Variants in PIEZO1 observed in about 807,000 individuals in gnomAD.
PIEZO1 encodes piezo type mechanosensitive ion channel component 1 (Er blood group).
Under a neutral mutation model 297.2 loss-of-function variants are expected in PIEZO1, and 296 were observed. The observed-to-expected ratio is 1.00, with a 90% CI of 0.91 to 1.10. The LOEUF is 1.10. PIEZO1 is among the 50% of genes least tolerant of loss of function. The probability of loss-of-function intolerance (pLI) is 0.00; values close to 1 mark genes in which losing one functional copy is unlikely to be tolerated. For missense variants in PIEZO1, 5,018 were observed against 3,455.5 expected, an observed-to-expected ratio of 1.45 and a Z score of -11.34; for synonymous variants, 2,427 against 1,507.5, an observed-to-expected ratio of 1.61 and a Z score of -14.13.
chr16:88,733,990 G>T lies in PIEZO1; in HGVS notation c.2245C>A (p.Gln749Lys). The T allele has an allele frequency of 8.4e-7, 1 of 1,192,006 alleles. No homozygotes were observed. Among genetic ancestry groups the T allele is most frequent in the Non-Finnish European group, 1.2e-6 (1 of 849,304 alleles). The allele number at this position is 1,192,006 out of a possible 1,614,324, so 73.8% of individuals were successfully genotyped here. Residue 749 changes from glutamine to lysine, a missense_variant, in exon 17 of 51, where the codon CAG becomes AAG. Gln to Lys is a moderately conservative substitution (Grantham distance 53, BLOSUM62 1). Transcript: ENST00000301015. ...EEQQEHQQQQ[Q>K]EEEEEEEDSR... is the part of the protein sequence containing the mutation. The stretch of plus-strand genomic sequence containing the variant: ...TCCTCCTCCTCCTCCTCCTCCTCCT[G>T]CTGCTGCTGCTGATGCTCCTGCTGC...
intron 21 of PIEZO1, 51 bp from the exon 22 acceptor site, chr16:88,731,961 G>GGCGGGGTGTGGGGATGCACTGA (rs1555555069): frequency 7.0e-6 from 2 of 285,620 alleles, no homozygotes; most frequent in East Asian, 7.9e-5. Context: ...CTGGGGGGAG[G>GGCGGGGTGTGGGGATGCACTGA]GACTTTCTTG....
At chr16:88,746,932 G>A (rs929579286) in intron 2 of PIEZO1, among the ~76,000 whole-genome samples, 3 of 152,238 alleles carry the variant, frequency 2.0e-5, no homozygotes, top group African/African-American at 4.8e-5. Context: ...GATAGGGACC[G>A]GGAGTGGGGG....
Position 88,721,448 on chromosome 16 carries a change from G to A in PIEZO1, c.5404-18C>T, listed in dbSNP as rs1163777645. The A allele has an allele frequency of 5.2e-6, 8 of 1,541,856 alleles. No homozygotes were observed. Among genetic ancestry groups the A allele is most frequent in the Non-Finnish European group, 6.1e-6 (7 of 1,140,878 alleles). On this transcript the variant is annotated intron_variant, in intron 38 of 50. Coordinates refer to ENST00000301015, the MANE Select transcript of PIEZO1 (RefSeq NM_001142864.4). ...CCATAGCACTGAGGGGCGGGAGGGTGTGGTGAGGGGGCCTTGCCTCCCTGG... is the reference window on the plus strand; with the variant it reads ...CCATAGCACTGAGGGGCGGGAGGGTATGGTGAGGGGGCCTTGCCTCCCTGG...
chr16:88,765,768 G>A (rs1006348276), intron 1 of PIEZO1, among the ~76,000 whole-genome samples: 1 of 151,668 alleles, frequency 6.6e-6, no homozygotes, highest in Non-Finnish European at 1.5e-5. Context: ...CTACCTCCTG[G>A]GTTCAAGCGA....
At chr16:88,778,590 G>A (rs115701567) in intron 1 of PIEZO1, among the ~76,000 whole-genome samples, 2,902 of 152,324 alleles carry the variant, frequency 0.019, 79 homozygotes, top group African/African-American at 0.066. Context: ...GGCAGCGCCC[G>A]GCAGGACAGC....
chr16:88,719,663 C>T lies in PIEZO1; in HGVS notation c.6382G>A (p.Asp2128Asn). ...LRAVMDWVWT[D>N]TTLSLSSWMC... ...CAGCTGGACAGGGACAGCGTGGTGT[C>T]CGTCCACACCCAGTCCATCACTGCC... Residue 2128 changes from aspartate (D) to asparagine (N), a missense_variant, in exon 44 of 51, where the codon GAC (aspartate) becomes AAC (asparagine). By Grantham distance (23) the Asp-to-Asn change is conservative. Coordinates refer to ENST00000301015, the MANE Select transcript of PIEZO1 (RefSeq NM_001142864.4). 1 of 1,553,876 alleles carries T rather than the reference C, an allele frequency of 6.4e-7. No homozygotes were observed. The highest frequency in any genetic ancestry group is 2.4e-5 in the East Asian group (1 of 41,106).
intron 1 of PIEZO1, among the ~76,000 whole-genome samples, chr16:88,751,456 T>C (rs1906384297): frequency 6.6e-6 from 1 of 152,172 alleles, no homozygotes; most frequent in Non-Finnish European, 1.5e-5. Flanking sequence ...CGCTCGGCGC[T>C]GCTACGGGCT....
At chr16:88,748,962 G>A (rs914955687) in intron 2 of PIEZO1, among the ~76,000 whole-genome samples, 31 of 144,126 alleles carry the variant, frequency 2.2e-4, no homozygotes, top group African/African-American at 6.9e-4. Context: ...AAAAAGCCGG[G>A]CGCGGTGGCT....
rs1912355263 is a variant in PIEZO1, at chr16:88,720,495, GGAA to G, written c.5836_5838del (p.Phe1946del). 1 of 1,550,236 alleles carries G rather than the reference GGAA, an allele frequency of 6.5e-7. No homozygotes were observed. The highest frequency in any genetic ancestry group is 1.4e-5 in the African/African-American group (1 of 73,038). On this transcript the variant is annotated inframe_deletion, in exon 41 of 51. Coordinates refer to ENST00000301015, the MANE Select transcript of PIEZO1 (RefSeq NM_001142864.4). ...CGGTACTTGGTGTGCAGGATGTCGTGGAAGAAGCGCCGTAGCGGCCGATATGTG... is the reference window on the plus strand; with the variant it reads ...CGGTACTTGGTGTGCAGGATGTCGTGGAAGCGCCGTAGCGGCCGATATGTG...
At position 88,737,654 on chromosome 16, in the gene PIEZO1, C is replaced by G; in HGVS notation, c.1108-8G>C. On this transcript the variant is annotated splice_polypyrimidine_tract_variant and splice_region_variant and intron_variant, in intron 9 of 50. Coordinates refer to ENST00000301015, the MANE Select transcript of PIEZO1 (RefSeq NM_001142864.4). ...TGCTGTGGGCACCACGTGCTGTGGG[C>G]AAGCAGCGCTGAGCCATGCACGGGC... The G allele has an allele frequency of 6.5e-7, 1 of 1,534,708 alleles. No homozygotes were observed. Among genetic ancestry groups the G allele is most frequent in the Non-Finnish European group, 8.7e-7 (1 of 1,146,206 alleles).
At position 88,733,381 on chromosome 16, in the gene PIEZO1, G is replaced by T. The variant is rs1189050065; in HGVS notation, c.2561C>A (p.Ala854Asp). 3 of 1,550,180 alleles carry T rather than the reference G, an allele frequency of 1.9e-6. No individual in the cohort carries two copies. The highest frequency in any genetic ancestry group is 1.7e-6 in the Non-Finnish European group (2 of 1,146,836). ...GGTCCACACGGTGGACAGGCAGGAGGCCATGGGCCGGAAGCGTGGGTAGGG... is the reference window on the plus strand; with the variant it reads ...GGTCCACACGGTGGACAGGCAGGAGTCCATGGGCCGGAAGCGTGGGTAGGG... Reference protein sequence around the residue: ...ALPYPRFRPMASCLSTVWTCV... With the variant: ...ALPYPRFRPMDSCLSTVWTCV... The change falls in exon 19 of 51, where the codon GCC becomes GAC. Residue 854 changes from alanine to aspartate, a missense_variant. Coordinates refer to ENST00000301015, the MANE Select transcript of PIEZO1 (RefSeq NM_001142864.4).
In PIEZO1 at chr16:88,717,031, C is replaced by G; in HGVS notation, c.6652G>C (p.Gly2218Arg). The change falls in exon 45 of 51, where the codon GGC becomes CGC. Residue 2218 changes from glycine to arginine, a missense_variant. Coordinates refer to ENST00000301015, the MANE Select transcript of PIEZO1 (RefSeq NM_001142864.4). ...IDVTVTLKLG[G>R]YEPLFTMSAQ... ...GACCCACACATGCTCACCTCATAGC[C>G]GCCCAGCTTCAGGGTGACGGTGACA... is the stretch of plus-strand genomic sequence containing the variant. 6.4e-7 allele frequency: 1 copy of G among 1,550,580 alleles called. No homozygotes were observed. Among genetic ancestry groups the G allele is most frequent in the Non-Finnish European group, 8.7e-7 (1 of 1,146,976 alleles).
rs1244437683 is a variant in PIEZO1, at chr16:88,720,293, G to C, written c.5950-10C>G. The C allele has an allele frequency of 6.5e-7, 1 of 1,550,280 alleles. No individual in the cohort carries two copies. The highest frequency in any genetic ancestry group is 2.0e-5 in the Admixed American group (1 of 51,006). On this transcript the variant is annotated splice_polypyrimidine_tract_variant and intron_variant, in intron 41 of 50. Coordinates refer to ENST00000301015, the MANE Select transcript of PIEZO1 (RefSeq NM_001142864.4). Reference sequence around the variant, plus strand: ...TGGCCGCCGAGTGCTTCTGTGGCCAGGAGAGCACAGGTCAGGGGGAGCCAA... The same window carrying C: ...TGGCCGCCGAGTGCTTCTGTGGCCACGAGAGCACAGGTCAGGGGGAGCCAA...
rs10468312 is a variant in PIEZO1 at position 88,757,327 on chromosome 16, T to A, written c.65-7848A>T. Among the ~76,000 whole-genome samples the A allele has an allele frequency of 1.1e-3, 45 of 42,702 alleles. 10 individuals are homozygous for A. In the South Asian group the frequency reaches 0.018, roughly 17 times the overall value. 28.0% of individuals were successfully genotyped at this position (42,702 alleles called of 152,430 possible). A position where few individuals can be genotyped will look rare whatever the true frequency, so the allele number is the denominator to read the frequency against. Reference sequence around the variant, plus strand: ...GCAGGGGGCGTTGCTGGCGGGGGGGTGGGGGGTAGTTACCTAACCTGCCTG... The same window carrying A: ...GCAGGGGGCGTTGCTGGCGGGGGGGAGGGGGGTAGTTACCTAACCTGCCTG... On this transcript the variant is annotated intron_variant, in intron 1 of 50. Transcript: ENST00000301015.
chr16:88,723,135 C>G lies in PIEZO1; in HGVS notation c.4455G>C (p.Gln1485His), dbSNP rs968577853. 6.5e-7 allele frequency: 1 copy of G among 1,549,128 alleles called. No individual in the cohort carries two copies. Among genetic ancestry groups the G allele is most frequent in the Admixed American group, 2.0e-5 (1 of 51,008 alleles). Residue 1485 changes from glutamine to histidine, a missense_variant, in exon 33 of 51, where the codon CAG (glutamine) becomes CAC (histidine). By Grantham distance (24) the Gln-to-His change is conservative. Coordinates refer to ENST00000301015, the MANE Select transcript of PIEZO1 (RefSeq NM_001142864.4). ...GQLPTGGGPS[Q>H]EVEPAEGPEE... ...CGGGGCCCTCTGCTGGCTCCACCTC[C>G]TGGCTGGGACCACCTCCTGGGCACA...
At chr16:88,784,267 G>C (rs1019704364) in intron 1 of PIEZO1, among the ~76,000 whole-genome samples, 13 of 152,236 alleles carry the variant, frequency 8.5e-5, no homozygotes, top group Non-Finnish European at 1.3e-4. Context: ...CCGCCCCTGC[G>C]AAACTGAGCC....
intron 44 of PIEZO1, 105 bp from the exon 45 acceptor site, chr16:88,717,316 C>G: frequency 2.0e-6 from 2 of 997,864 alleles, no homozygotes; most frequent in Non-Finnish European, 3.0e-6. Context: ...CCCAGCCTGA[C>G]CTCAGTATGG....
chr16:88,760,498 T>C (rs372716262), intron 1 of PIEZO1, among the ~76,000 whole-genome samples: 187 of 152,298 alleles, frequency 1.2e-3, no homozygotes, highest in African/African-American at 4.3e-3. Context: ...GAGAGCTTTG[T>C]CCAAAGGCAA....
Position 88,751,239 on chromosome 16 carries a change from C to A in PIEZO1, c.65-1760G>T, listed in dbSNP as rs1200692730. On this transcript the variant is annotated intron_variant, in intron 1 of 50. Transcript: ENST00000301015. ...AGAGGAGGCGCAGGGCAGAGGGAGA[C>A]CCCGACCTCCACGGACAGCACAGGA... Among the ~76,000 whole-genome samples, 4 of 152,310 alleles carry A rather than the reference C, an allele frequency of 2.6e-5. No homozygotes were observed. The East Asian group carries it at 5.8e-4, about 22-fold the overall frequency.
Sources: allele counts gnomAD v4.1 joint callset (sites outside exome capture counted in the v4.1 genomes callset), GRCh38; gene constraint gnomAD v4.1.1; transcripts MANE v1.5; gene names NCBI Gene and HGNC (gene_info 2026-07-23, HGNC 2026-07-21).